WDR33: variants seen among roughly 807,000 people sequenced by gnomAD.
The protein encoded by WDR33 is pre-mRNA 3' end processing protein WDR33.
Under a neutral mutation model 164.9 loss-of-function variants are expected in WDR33, and 47 were observed. The observed-to-expected ratio is 0.29, with a 90% CI of 0.23 to 0.36. The LOEUF (loss-of-function observed/expected upper bound fraction) is 0.36. Among genes scored for constraint, WDR33 ranks in the 10% least tolerant of loss-of-function variants. The probability of loss-of-function intolerance (pLI) is 1.00; values close to 1 mark genes in which losing one functional copy is unlikely to be tolerated. For missense variants in WDR33, 1,137 were observed against 1,754.1 expected (o/e 0.65, Z 6.28); for synonymous variants, 505 against 589.0 (o/e 0.86, Z 2.06).
chr2:127,772,506 T>C (rs1215895979), intron 1 of WDR33, among the ~76,000 whole-genome samples: 1 of 152,222 alleles, frequency 6.6e-6, no homozygotes. Flanking sequence ...AGACTCCATT[T>C]TATACAAGTC....
At position 127,739,947 on chromosome 2, in the gene WDR33, A is replaced by C. The variant is rs2105400805; in HGVS notation, c.725-13170T>G. ...ATTCTGATTATGAACATTCACCCCA[A>C]GTAATACACTTGATGTAATGCCATT... On this transcript the variant is annotated intron_variant, in intron 7 of 21. Transcript: ENST00000322313. Among the ~76,000 whole-genome samples, 4 of 152,356 alleles carry C rather than the reference A, an allele frequency of 2.6e-5. No individual in the cohort carries two copies. The South Asian group carries it at 8.3e-4, about 32-fold the overall frequency.
At chr2:127,728,404 G>A (rs1179020354) in intron 7 of WDR33, among the ~76,000 whole-genome samples, 1 of 152,050 alleles carries the variant, frequency 6.6e-6, no homozygotes, top group Non-Finnish European at 1.5e-5. Flanking sequence ...AAAGAAAAAA[G>A]CCAAGAAGTC....
chr2:127,804,118 G>C (rs1051933939), intron 1 of WDR33, among the ~76,000 whole-genome samples: 2 of 151,996 alleles, frequency 1.3e-5, no homozygotes, highest in African/African-American at 4.8e-5. Flanking sequence ...TCAGGAGATC[G>C]AGACCATCCT....
rs1220888579 is a variant in WDR33 at position 127,711,770 on chromosome 2, A to ATTTTTT, written c.3308+1812_3308+1813insAAAAAA. ...TATACAGATATATATATATATATAT[A>ATTTTTT]TATATATATATTTTTTTTTTGAGAC... On this transcript the variant is annotated intron_variant, in intron 18 of 21. Coordinates refer to ENST00000322313, the MANE Select transcript of WDR33 (RefSeq NM_018383.5). Among the ~76,000 whole-genome samples, 215 of 77,850 alleles carry ATTTTTT rather than the reference A, an allele frequency of 2.8e-3. 11 individuals carry two copies. Among genetic ancestry groups the ATTTTTT allele is most frequent in the East Asian group, 0.024 (71 of 3,016 alleles). 51.1% of individuals were successfully genotyped at this position (77,850 alleles called of 152,430 possible).
At chr2:127,750,678 ATATAT>A (rs1306907027) in intron 7 of WDR33, among the ~76,000 whole-genome samples, 7 of 27,550 alleles carry the variant, frequency 2.5e-4, no homozygotes, top group South Asian at 2.1e-3. Flanking sequence ...AAAAAAAAAA[ATATAT>A]ATATATATAT....
At chr2:127,761,658 G>T (rs548829258) in intron 7 of WDR33, among the ~76,000 whole-genome samples, 1 of 152,304 alleles carries the variant, frequency 6.6e-6, no homozygotes, top group East Asian at 1.9e-4. Flanking sequence ...GGAGTCAAAT[G>T]ATAAGATTCT....
chr2:127,790,940 T>C (rs577935183), intron 1 of WDR33, among the ~76,000 whole-genome samples: 1 of 152,300 alleles, frequency 6.6e-6, no homozygotes, highest in South Asian at 2.1e-4. Flanking sequence ...TTAATGTCTG[T>C]AAGATCTGTA....
At chr2:127,785,493 T>A (rs1246882378) in intron 1 of WDR33, among the ~76,000 whole-genome samples, 1 of 152,174 alleles carries the variant, frequency 6.6e-6, no homozygotes, top group Non-Finnish European at 1.5e-5. Context: ...TCCCCCAAGC[T>A]CCTGGCTATT....
Position 127,703,026 on chromosome 2 carries a change from G to A in WDR33, c.*3297C>T, listed in dbSNP as rs1010309651. 1.8e-5 allele frequency: 3 copies of A among 167,024 alleles called. No homozygotes were observed. The highest frequency in any genetic ancestry group is 6.5e-5 in the Admixed American group (1 of 15,288). The allele number at this position is 167,024 out of a possible 1,614,324, so 10.3% of individuals were successfully genotyped here. ...TTTACAATTTGCAGGCTGATCTTAA[G>A]ATTTTTTTATATCTAATTGCTGCTG... On this transcript the variant is annotated 3_prime_UTR_variant, in exon 22 of 22. Transcript: ENST00000322313.
chr2:127,768,051 A>G (rs1351007377), intron 4 of WDR33, 138 bp downstream of exon 4: 28 of 514,704 alleles, frequency 5.4e-5, no homozygotes, highest in Non-Finnish European at 7.9e-5. Flanking sequence ...ATATTCCAAA[A>G]TAAAATTACT....
Position 127,706,677 on chromosome 2 carries a change from G to A in WDR33, c.3782-125C>T. The A allele has an allele frequency of 1.2e-6, 1 of 815,526 alleles. No individual in the cohort carries two copies. The highest frequency in any genetic ancestry group is 1.9e-6 in the Non-Finnish European group (1 of 533,694). 50.5% of individuals were successfully genotyped at this position (815,526 alleles called of 1,614,324 possible). A position where few individuals can be genotyped will look rare whatever the true frequency, so the allele number is the denominator to read the frequency against. On this transcript the variant is annotated intron_variant, in intron 21 of 21. Transcript: ENST00000322313. The surrounding 1 kb of genome is among the most constrained non-coding windows in gnomAD (Gnocchi z 5.1). ...CTGGTGGGTGCCAGGGAGACTGGCA[G>A]TGGTATTCAGCGTACTGAGAGGTGT...
At chr2:127,797,742 T>TG (rs746450798) in intron 1 of WDR33, among the ~76,000 whole-genome samples, 9 of 152,164 alleles carry the variant, frequency 5.9e-5, no homozygotes, top group Non-Finnish European at 8.8e-5. Context: ...CCAGGCACGG[T>TG]GGTTCAAGCC....
Position 127,714,472 on chromosome 2 carries a change from C to T in WDR33, c.2870-451G>A, listed in dbSNP as rs1273548460. Among the ~76,000 whole-genome samples, 1 of 152,206 alleles carries T rather than the reference C, an allele frequency of 6.6e-6. No homozygotes were observed. Among genetic ancestry groups the T allele is most frequent in the Non-Finnish European group, 1.5e-5 (1 of 68,030 alleles). On this transcript the variant is annotated intron_variant, in intron 17 of 21. Transcript: ENST00000322313. This position sits in a 1 kb window ranked among gnomAD's most constrained non-coding sequence, Gnocchi z 4.3. ...CACCTCTGTACCCATCAACAGGGTG[C>T]CACTGCCACCCATGACATCCCTCCT...
At chr2:127,768,681 A>G (rs1484245411) in intron 3 of WDR33, among the ~76,000 whole-genome samples, 1 of 152,176 alleles carries the variant, frequency 6.6e-6, no homozygotes, top group Non-Finnish European at 1.5e-5. Flanking sequence ...AGATTACTCA[A>G]CTTCTTTTTG....
chr2:127,751,269 G>T (rs532424146), intron 7 of WDR33, among the ~76,000 whole-genome samples: 13 of 151,982 alleles, frequency 8.6e-5, no homozygotes, highest in African/African-American at 2.9e-4. Flanking sequence ...GCTGACGTGG[G>T]AGGATCACTT....
chr2:127,781,564 A>G (rs1484940654), intron 1 of WDR33, among the ~76,000 whole-genome samples: 1 of 152,180 alleles, frequency 6.6e-6, no homozygotes, highest in East Asian at 1.9e-4. Context: ...ATTGGGAGAA[A>G]CTGGGTAACA....
intron 1 of WDR33, among the ~76,000 whole-genome samples, chr2:127,796,712 T>C (rs1401505664): frequency 1.3e-5 from 2 of 152,040 alleles, no homozygotes; most frequent in Non-Finnish European, 2.9e-5. Flanking sequence ...ATGTACACTA[T>C]CTTCATGTCC....
intron 1 of WDR33, among the ~76,000 whole-genome samples, chr2:127,781,114 G>C (rs762645093): frequency 6.6e-6 from 1 of 152,144 alleles, no homozygotes; most frequent in African/African-American, 2.4e-5. Context: ...TCCACCTGCC[G>C]CAGCCTCCCG....
chr2:127,720,500 T>C lies in WDR33; in HGVS notation c.1672-147A>G. The C allele has an allele frequency of 2.0e-6, 2 of 977,748 alleles. No individual in the cohort carries two copies. Among genetic ancestry groups the C allele is most frequent in the Non-Finnish European group, 2.8e-6 (2 of 721,798 alleles). 60.6% of individuals were successfully genotyped at this position (977,748 alleles called of 1,614,324 possible). ...ACGCTCCAGTGGTAATTAGAGTCCATGCAACACTCAAGCACTGTAAGGAGT... is the reference window on the plus strand; with the variant it reads ...ACGCTCCAGTGGTAATTAGAGTCCACGCAACACTCAAGCACTGTAAGGAGT... On this transcript the variant is annotated intron_variant, in intron 15 of 21. Coordinates refer to ENST00000322313, the MANE Select transcript of WDR33 (RefSeq NM_018383.5). This position sits in a 1 kb window ranked among gnomAD's most constrained non-coding sequence, Gnocchi z 5.9.
Sources: allele counts gnomAD v4.1 joint callset (sites outside exome capture counted in the v4.1 genomes callset), GRCh38; gene constraint gnomAD v4.1.1; non-coding constraint Gnocchi (gnomAD v3.1); transcripts MANE v1.5; gene names NCBI Gene and HGNC (gene_info 2026-07-23, HGNC 2026-07-21).